CEMIP2: variants seen among roughly 807,000 people sequenced by gnomAD.
CEMIP2 encodes cell migration inducing hyaluronidase 2, also known as cell surface hyaluronidase CEMIP2.
A neutral mutation model predicts 146.9 loss-of-function variants in CEMIP2; 79 were observed. That is an observed-to-expected ratio of 0.54 (90% CI 0.45 to 0.65). The LOEUF is 0.65. CEMIP2 is among the 30% of genes least tolerant of loss of function. CEMIP2 has a pLI of 0.00. For missense variants in CEMIP2, 1,596 were observed against 1,696.2 expected (o/e 0.94, Z 1.04); for synonymous variants, 601 against 606.3 (o/e 0.99, Z 0.13).
At chr9:71,705,920 C>A (rs1465406784) in intron 17 of CEMIP2, among the ~76,000 whole-genome samples, 1 of 151,758 alleles carries the variant, frequency 6.6e-6, no homozygotes, top group African/African-American at 2.4e-5. Flanking sequence ...TACCTTTATC[C>A]CTCAGGTCAT....
intron 12 of CEMIP2, among the ~76,000 whole-genome samples, chr9:71,719,756 T>C (rs1231963612): frequency 6.9e-6 from 1 of 145,320 alleles, no homozygotes; most frequent in East Asian, 2.1e-4. Flanking sequence ...GGCATTGTAG[T>C]TCCTGCCAAA....
chr9:71,754,762 G>C (rs550158094), intron 1 of CEMIP2, among the ~76,000 whole-genome samples: 10 of 152,228 alleles, frequency 6.6e-5, no homozygotes, highest in African/African-American at 1.7e-4. Context: ...AGCCCAAAAG[G>C]CTTGGTTATG....
chr9:71,728,280 T>TCA (rs1491467360), intron 10 of CEMIP2, among the ~76,000 whole-genome samples: 1 of 12,648 alleles, frequency 7.9e-5, no homozygotes, highest in Non-Finnish European at 1.6e-4. Flanking sequence ...TATATATATA[T>TCA]GTATATATAT....
Position 71,715,031 on chromosome 9 carries a change from C to T in CEMIP2, c.2494G>A (p.Val832Ile), listed in dbSNP as rs1823006598. The stretch of plus-strand genomic sequence containing the variant: ...AAGCCGTAATTCCTGCTCTCCCCAA[C>T]AAAGAGAGATTCAGATACCTCTTGG... ...SSQEVSESLF[V>I]GESRNYGFQG... Residue 832 changes from valine to isoleucine, a missense_variant, in exon 15 of 24, where the codon GTT becomes ATT. Transcript: ENST00000377044. The T allele has an allele frequency of 1.2e-6, 2 of 1,613,990 alleles. No homozygotes were observed. The highest frequency in any genetic ancestry group is 1.7e-6 in the Non-Finnish European group (2 of 1,179,948).
rs1203218212 is a variant in CEMIP2, at chr9:71,718,199, TAA to T, written c.2268-122_2268-121del. The stretch of plus-strand genomic sequence containing the variant: ...TTGACCAAAACAAATGAAAAATTCT[TAA>T]GATACAACTTACTTACATTTTAAAC... On this transcript the variant is annotated intron_variant, in intron 12 of 23. Coordinates refer to ENST00000377044, the MANE Select transcript of CEMIP2 (RefSeq NM_013390.3). The T allele has an allele frequency of 8.3e-6, 8 of 964,724 alleles. No homozygotes were observed. The African/African-American group carries it at 1.3e-4, about 16-fold the overall frequency. The allele number at this position is 964,724 out of a possible 1,614,324, so 59.8% of individuals were successfully genotyped here.
In CEMIP2 at chr9:71,722,493, C is replaced by G; in HGVS notation, c.2201G>C (p.Gly734Ala). The G allele has an allele frequency of 3.7e-6, 6 of 1,613,282 alleles. No individual in the cohort carries two copies. The highest frequency in any genetic ancestry group is 1.1e-5 in the South Asian group (1 of 91,000). ...AGCACTAGAGTTGGTTGTTTTGACACCTTTGTCAATAAATAAGCCAGCCTG... is the reference window on the plus strand; with the variant it reads ...AGCACTAGAGTTGGTTGTTTTGACAGCTTTGTCAATAAATAAGCCAGCCTG... ...NFKAGLFIDKGVKTTNSSAAD... is the reference protein window; with the variant it reads ...NFKAGLFIDKAVKTTNSSAAD... The change falls in exon 12 of 24, where the codon GGT (glycine) becomes GCT (alanine). Residue 734 changes from glycine to alanine, a missense_variant. Gly to Ala is a moderately conservative substitution (Grantham distance 60, BLOSUM62 0). Coordinates refer to ENST00000377044, the MANE Select transcript of CEMIP2 (RefSeq NM_013390.3).
chr9:71,724,017 GC>G (rs1191019448), intron 11 of CEMIP2, among the ~76,000 whole-genome samples: 17 of 152,096 alleles, frequency 1.1e-4, no homozygotes, highest in African/African-American at 4.1e-4. Flanking sequence ...TTAGAATGGG[GC>G]CAGGCATAGT....
At chr9:71,705,034 C>G (rs182681818) in intron 17 of CEMIP2, 40 of 505,342 alleles carry the variant, frequency 7.9e-5, no homozygotes, top group African/African-American at 5.9e-4. Flanking sequence ...TCTTCATCAT[C>G]GCTTCCACCA....
rs750455411 is a variant in CEMIP2, at chr9:71,704,637, G to A, written c.3152C>T (p.Pro1051Leu). ...EKGYTIHWNG[P>L]APRTTFLYLV... ...GTATAGAAATGTAGTCCGTGGTGCCGGCCCATTCCAGTGGATGGTATAACC... is the reference window on the plus strand; with the variant it reads ...GTATAGAAATGTAGTCCGTGGTGCCAGCCCATTCCAGTGGATGGTATAACC... Residue 1051 changes from proline (P) to leucine (L), a missense_variant, in exon 18 of 24, where the codon CCG (proline) becomes CTG (leucine). Pro to Leu is a moderately conservative substitution (Grantham distance 98). Transcript: ENST00000377044. 7.4e-6 allele frequency: 12 copies of A among 1,613,946 alleles called. No individual in the cohort carries two copies. The highest frequency in any genetic ancestry group is 2.2e-5 in the South Asian group (2 of 91,082).
chr9:71,756,850 C>T (rs1824475454), intron 1 of CEMIP2, among the ~76,000 whole-genome samples: 2 of 152,282 alleles, frequency 1.3e-5, no homozygotes, highest in South Asian at 2.1e-4. Context: ...GTTTTAACTA[C>T]ACATTATGAA....
At position 71,740,116 on chromosome 9, in the gene CEMIP2, T is replaced by C. The variant is rs199945871; in HGVS notation, c.1151A>G (p.Tyr384Cys). ...GGKALAQREFYTVDGQKFSVT... is the reference protein window; with the variant it reads ...GGKALAQREFCTVDGQKFSVT... ...AGAGAACTTCTGGCCATCCACAGTA[T>C]AAAATTCTCTTTGGGCAAGAGCCTT... Residue 384 changes from tyrosine (Y) to cysteine (C), a missense_variant, in exon 5 of 24, where the codon TAT becomes TGT. Transcript: ENST00000377044. 1 of 1,614,104 alleles carries C rather than the reference T, an allele frequency of 6.2e-7. No individual in the cohort carries two copies. Among genetic ancestry groups the C allele is most frequent in the Non-Finnish European group, 8.5e-7 (1 of 1,180,026 alleles).
At chr9:71,744,952 C>A in intron 4 of CEMIP2, 66 bp downstream of exon 4, 2 of 1,516,524 alleles carry the variant, frequency 1.3e-6, no homozygotes, top group Non-Finnish European at 1.8e-6. Flanking sequence ...GCTCCTTTCC[C>A]CACCCTCACT....
chr9:71,713,014 C>T (rs1822952657), intron 15 of CEMIP2, among the ~76,000 whole-genome samples: 1 of 152,152 alleles, frequency 6.6e-6, no homozygotes, highest in Non-Finnish European at 1.5e-5. Flanking sequence ...TATATGCTAG[C>T]AAGAAAACCA....
At chr9:71,749,324 T>G (rs1377708487) in intron 2 of CEMIP2, among the ~76,000 whole-genome samples, 1 of 152,018 alleles carries the variant, frequency 6.6e-6, no homozygotes, top group African/African-American at 2.4e-5. Context: ...CAAGCCCATT[T>G]CAAGCCACAA....
rs1253814771 is a variant in CEMIP2, at chr9:71,694,608, C to T, written c.3598-1G>A. The T allele has an allele frequency of 6.2e-7, 1 of 1,605,578 alleles. No individual in the cohort carries two copies. Among genetic ancestry groups the T allele is most frequent in the African/African-American group, 1.3e-5 (1 of 74,860 alleles). On this transcript the variant is annotated splice_acceptor_variant, in intron 20 of 23. Coordinates refer to ENST00000377044, the MANE Select transcript of CEMIP2 (RefSeq NM_013390.3). LOFTEE classifies it high-confidence loss of function. ...TATGAGGATCACTAGTAAACACCACCTAGACAGAGAAGAAGTTCCATATTT... is the reference window on the plus strand; with the variant it reads ...TATGAGGATCACTAGTAAACACCACTTAGACAGAGAAGAAGTTCCATATTT...
At chr9:71,728,721 G>T (rs1823521982) in intron 10 of CEMIP2, among the ~76,000 whole-genome samples, 1 of 151,882 alleles carries the variant, frequency 6.6e-6, no homozygotes. Context: ...TTCAACAAAA[G>T]GGTGTGCCCC....
intron 20 of CEMIP2, among the ~76,000 whole-genome samples, chr9:71,695,648 T>C (rs1452819951): frequency 1.3e-5 from 2 of 152,106 alleles, no homozygotes; most frequent in Non-Finnish European, 2.9e-5. Flanking sequence ...CTCTCTAGCC[T>C]GGGCGACAGA....
chr9:71,732,568 C>T (rs200488367), intron 6 of CEMIP2, 48 bp from the exon 7 acceptor site: 2 of 1,485,442 alleles, frequency 1.3e-6, no homozygotes, highest in East Asian at 2.4e-5. Context: ...ACAAAGAAAA[C>T]ATGAAACTCA....
In CEMIP2 at chr9:71,730,734, T is replaced by G. The variant is rs750399413; in HGVS notation, c.1744A>C (p.Ile582Leu). The G allele has an allele frequency of 8.7e-6, 14 of 1,614,096 alleles. No homozygotes were observed. The African/African-American group carries it at 1.7e-4, about 20-fold the overall frequency. Residue 582 changes from isoleucine (I) to leucine (L), a missense_variant, in exon 8 of 24, where the codon ATC (isoleucine) becomes CTC (leucine). Coordinates refer to ENST00000377044, the MANE Select transcript of CEMIP2 (RefSeq NM_013390.3). ...LSIHHSFSRC[I>L]TVHGTNGLLI... ...AAGCCATTTGTCCCATGCACAGTGA[T>G]GCACCTTGAGAAGCTGTGATGAATA...
Sources: gnomAD v4.1 joint callset for allele counts (sites outside exome capture counted in the v4.1 genomes callset) on GRCh38, gnomAD v4.1.1 for gene constraint, MANE v1.5 for transcripts, NCBI Gene and HGNC (gene_info 2026-07-23, HGNC 2026-07-21) for gene names.